Variants in ABCC2 observed in about 807,000 individuals in gnomAD.
ABCC2 encodes ATP binding cassette subfamily C member 2.
A neutral mutation model predicts 173.4 loss-of-function variants in ABCC2; 157 were observed. That is an observed-to-expected ratio of 0.91 (90% CI 0.80 to 1.03). ABCC2 has a LOEUF of 1.03. Among genes scored for constraint, ABCC2 ranks in the 50% least tolerant of loss-of-function variants. The pLI, the probability that ABCC2 is intolerant of heterozygous loss-of-function variation, is 0.00. For synonymous variants in ABCC2, 657 were observed against 693.5 expected (o/e 0.95, Z 0.83); for missense variants, 1,822 against 1,852.3 (o/e 0.98, Z 0.30).
Position 99,793,962 on chromosome 10 carries a change from T to C in ABCC2, c.539T>C (p.Ile180Thr). The change falls in exon 5 of 32, where the codon ATC becomes ACC. Residue 180 changes from isoleucine (I) to threonine (T), a missense_variant. Transcript: ENST00000647814. ...TACGGATTCCAGATCCTGATCCTGA[T>C]CTTTTCAGCATTTTCAGAAAATAAT... ...ISYGFQILIL[I>T]FSAFSENNES... 1.2e-6 allele frequency: 2 copies of C among 1,613,606 alleles called. No individual in the cohort carries two copies. The highest frequency in any genetic ancestry group is 8.5e-7 in the Non-Finnish European group (1 of 1,179,620).
rs190707291 is a variant in ABCC2, at chr10:99,851,735, G to A, written c.*104G>A. The A allele has an allele frequency of 5.5e-5, 68 of 1,226,020 alleles. No homozygotes were observed. Among genetic ancestry groups the A allele is most frequent in the South Asian group, 3.0e-4 (20 of 65,586 alleles). The allele number at this position is 1,226,020 out of a possible 1,614,324, so 75.9% of individuals were successfully genotyped here. A position where few individuals can be genotyped will look rare whatever the true frequency, so the allele number is the denominator to read the frequency against. The stretch of plus-strand genomic sequence containing the variant: ...ATACAAAAGTGTGTATAAAATGTAC[G>A]TTTTAAAAAAGGATAAGTGAACACC... On this transcript the variant is annotated 3_prime_UTR_variant, in exon 32 of 32. Transcript: ENST00000647814.
intron 25 of ABCC2, among the ~76,000 whole-genome samples, chr10:99,838,151 G>A (rs2038858279): frequency 7.2e-5 from 6 of 83,722 alleles, no homozygotes; most frequent in Non-Finnish European, 1.0e-4. Context: ...CCGGGCGGGG[G>A]GCTGACCCCC....
At chr10:99,805,929 C>G (rs529357521) in intron 11 of ABCC2, among the ~76,000 whole-genome samples, 2 of 152,192 alleles carry the variant, frequency 1.3e-5, no homozygotes, top group East Asian at 3.9e-4. Context: ...AATTAACATT[C>G]TTTGATACCA....
chr10:99,814,416 T>C lies in ABCC2; in HGVS notation c.2094+1272T>C, dbSNP rs549309978. 4.2e-5 allele frequency among the ~76,000 whole-genome samples: 6 copies of C among 141,704 alleles called. 1 individual carries two copies. The South Asian group carries it at 1.3e-3, about 31-fold the overall frequency. The allele number at this position is 141,704 out of a possible 152,430, so 93.0% of individuals were successfully genotyped here. A position where few individuals can be genotyped will look rare whatever the true frequency, so the allele number is the denominator to read the frequency against. ...ATGGGTATATATACACACGTGTATA[T>C]ATGTGTGCATATATGTGTATACACA... On this transcript the variant is annotated intron_variant, in intron 16 of 31. Coordinates refer to ENST00000647814, the MANE Select transcript of ABCC2 (RefSeq NM_000392.5).
intron 6 of ABCC2, 132 bp downstream of exon 6, chr10:99,794,600 A>G: frequency 1.2e-6 from 1 of 868,506 alleles, no homozygotes; most frequent in Non-Finnish European, 1.8e-6. Flanking sequence ...GCTGGAGTGC[A>G]ATGGTGTGAT....
chr10:99,845,876 C>A, intron 29 of ABCC2, 94 bp downstream of exon 29: 1 of 1,346,492 alleles, frequency 7.4e-7, no homozygotes, highest in Non-Finnish European at 1.0e-6. Flanking sequence ...GTTCAGTCAG[C>A]ACTGTCAATT....
At chr10:99,811,466 G>A (rs112020520) in intron 14 of ABCC2, 70 bp from the exon 15 acceptor site, 36 of 1,479,032 alleles carry the variant, frequency 2.4e-5, no homozygotes, top group African/African-American at 2.1e-4. Context: ...AGAAAGCGGA[G>A]AGAGACACGT....
intron 19 of ABCC2, among the ~76,000 whole-genome samples, chr10:99,826,367 G>A (rs932617544): frequency 7.3e-5 from 11 of 150,896 alleles, no homozygotes; most frequent in African/African-American, 2.2e-4. Flanking sequence ...CAGGATTGGC[G>A]TTTTCATATG....
chr10:99,804,168 C>T lies in ABCC2; in HGVS notation c.1359C>T (p.Phe453=), dbSNP rs751585113. The part of the protein sequence containing the change: ...SSVLQIVLSI[F]FLWRELGPSV... ...TTCTACAGATTGTCTTATCTATCTT[C>T]TTCCTATGGAGAGAGTTGGGACCCT... is the stretch of plus-strand genomic sequence containing the variant. The change falls in exon 10 of 32, where the codon TTC becomes TTT. Residue 453 remains phenylalanine, a synonymous_variant. Coordinates refer to ENST00000647814, the MANE Select transcript of ABCC2 (RefSeq NM_000392.5). 1 of 1,614,154 alleles carries T rather than the reference C, an allele frequency of 6.2e-7. No individual in the cohort carries two copies. Among genetic ancestry groups the T allele is most frequent in the East Asian group, 2.2e-5 (1 of 44,872 alleles).
At chr10:99,804,657 G>A (rs1474559707) in intron 10 of ABCC2, among the ~76,000 whole-genome samples, 2 of 152,082 alleles carry the variant, frequency 1.3e-5, no homozygotes, top group African/African-American at 4.8e-5. Flanking sequence ...ATTTCAGCCT[G>A]AGCCTTGGCA....
intron 25 of ABCC2, 136 bp from the exon 26 acceptor site, chr10:99,841,818 ATGGTGTTTCTAAG>A: frequency 1.0e-6 from 1 of 958,510 alleles, no homozygotes; most frequent in Non-Finnish European, 1.6e-6. Context: ...TTAGGAATAC[ATGGTGTTTCTAAG>A]TCAAATTGAG....
chr10:99,794,660 T>A (rs565145514), intron 6 of ABCC2, 192 bp downstream of exon 6: 9 of 556,818 alleles, frequency 1.6e-5, no homozygotes, highest in South Asian at 1.5e-4. Context: ...TTATCCTGCC[T>A]CAGCCTCGCA....
At chr10:99,810,682 T>C (rs2038194922) in intron 14 of ABCC2, among the ~76,000 whole-genome samples, 1 of 152,108 alleles carries the variant, frequency 6.6e-6, no homozygotes, top group South Asian at 2.1e-4. Context: ...ACCCAGAGTA[T>C]CCATAGGTCA....
At chr10:99,807,154 G>A (rs1359309775) in intron 11 of ABCC2, among the ~76,000 whole-genome samples, 1 of 152,206 alleles carries the variant, frequency 6.6e-6, no homozygotes, top group Non-Finnish European at 1.5e-5. Context: ...AGGCAAACTG[G>A]AACAGTTAGT....
At chr10:99,787,500 G>T (rs535745530) in intron 2 of ABCC2, among the ~76,000 whole-genome samples, 75 of 152,126 alleles carry the variant, frequency 4.9e-4, no homozygotes, top group Non-Finnish European at 9.1e-4. Context: ...CAGGCTGCCA[G>T]CATAGATTCC....
intron 2 of ABCC2, among the ~76,000 whole-genome samples, chr10:99,785,783 T>A (rs1305861364): frequency 1.3e-5 from 2 of 152,086 alleles, no homozygotes; most frequent in Non-Finnish European, 2.9e-5. Context: ...CCTCCCAAAG[T>A]GCTGCGATTA....
rs1365428996 is a variant in ABCC2 at position 99,800,492 on chromosome 10, T to A, written c.1138T>A (p.Cys380Ser). Residue 380 changes from cysteine to serine, a missense_variant, in exon 9 of 32, where the codon TGT becomes AGT. Coordinates refer to ENST00000647814, the MANE Select transcript of ABCC2 (RefSeq NM_000392.5). ...AALIQSFCLQ[C>S]YFQLCFKLGV... ...TCTCATTCAGTCTTTCTGCCTTCAG[T>A]GTTATTTCCAACTGTGCTTCAAGCT... The A allele has an allele frequency of 1.2e-6, 2 of 1,614,206 alleles. No homozygotes were observed. Among genetic ancestry groups the A allele is most frequent in the Non-Finnish European group, 1.7e-6 (2 of 1,180,018 alleles).
rs367757306 is a variant in ABCC2 at position 99,800,580 on chromosome 10, A to C, written c.1209+17A>C. ...TATAAGAAGGTAAGCAGAATACGGC[A>C]GGTATCACCAAAGAAAATCCCCTCA... On this transcript the variant is annotated intron_variant, in intron 9 of 31. Coordinates refer to ENST00000647814, the MANE Select transcript of ABCC2 (RefSeq NM_000392.5). The C allele has an allele frequency of 2.5e-6, 4 of 1,613,800 alleles. No individual in the cohort carries two copies. The African/African-American group carries it at 5.3e-5, about 22-fold the overall frequency.
chr10:99,820,189 C>G lies in ABCC2; in HGVS notation c.2620+920C>G, dbSNP rs557408019. On this transcript the variant is annotated intron_variant, in intron 19 of 31. Coordinates refer to ENST00000647814, the MANE Select transcript of ABCC2 (RefSeq NM_000392.5). Reference sequence around the variant, plus strand: ...GGTGGATCACCTGAGGTCAGGAGTTCGAGGCCAGCCTGACCAACATGGAGA... The same window carrying G: ...GGTGGATCACCTGAGGTCAGGAGTTGGAGGCCAGCCTGACCAACATGGAGA... 2.6e-5 allele frequency among the ~76,000 whole-genome samples: 4 copies of G among 151,880 alleles called. No individual in the cohort carries two copies. The South Asian group carries it at 6.3e-4, about 24-fold the overall frequency.
Sources: allele counts gnomAD v4.1 joint callset (sites outside exome capture counted in the v4.1 genomes callset), GRCh38; gene constraint gnomAD v4.1.1; transcripts MANE v1.5; gene names NCBI Gene and HGNC (gene_info 2026-07-23, HGNC 2026-07-21).